CCSER1: variants seen among roughly 807,000 people sequenced by gnomAD.
The protein encoded by CCSER1 is coiled-coil serine rich protein 1, also known as serine-rich coiled-coil domain-containing protein 1.
CCSER1 carries 41 observed loss-of-function variants against 82.0 expected under a neutral mutation model. The ratio of observed to expected loss-of-function variants is 0.50; its 90% CI spans 0.39 to 0.65. The LOEUF (loss-of-function observed/expected upper bound fraction) is 0.65, where lower values mean the gene tolerates loss of function less well. CCSER1 is among the 30% of genes least tolerant of loss of function. The pLI is 0.00. For missense variants in CCSER1, 1,119 were observed against 1,064.2 expected (o/e 1.05, Z -0.72); for synonymous variants, 414 against 383.9 (o/e 1.08, Z -0.92).
intron 7 of CCSER1, among the ~76,000 whole-genome samples, chr4:90,725,627 A>G (rs1403469194): frequency 6.6e-6 from 1 of 151,518 alleles, no homozygotes; most frequent in Non-Finnish European, 1.5e-5. Flanking sequence ...ATAAAACTTT[A>G]TCTGCTTCTT....
intron 10 of CCSER1, among the ~76,000 whole-genome samples, chr4:91,581,187 A>G (rs1020799882): frequency 6.6e-6 from 1 of 151,770 alleles, no homozygotes; most frequent in Non-Finnish European, 1.5e-5. Context: ...GAGTAAAAGG[A>G]AACATAAAAT....
At chr4:90,413,984 A>ATT in intron 4 of CCSER1, among the ~76,000 whole-genome samples, 1 of 58,572 alleles carries the variant, frequency 1.7e-5, no homozygotes, top group Admixed American at 1.8e-4. Context: ...AAAAAAAAAT[A>ATT]TATATATATA....
chr4:90,519,125 CT>C (rs1369736703), intron 5 of CCSER1, among the ~76,000 whole-genome samples: 1 of 151,732 alleles, frequency 6.6e-6, no homozygotes, highest in Non-Finnish European at 1.5e-5. Context: ...TGTAGTTTAA[CT>C]TTCGCCATAA....
chr4:90,464,870 C>T (rs1295810800), intron 4 of CCSER1, among the ~76,000 whole-genome samples: 1 of 152,178 alleles, frequency 6.6e-6, no homozygotes, highest in Non-Finnish European at 1.5e-5. Context: ...GCATTATTAA[C>T]TTTTTAAGTG....
chr4:91,090,342 G>A (rs910088054), intron 10 of CCSER1, among the ~76,000 whole-genome samples: 1 of 152,078 alleles, frequency 6.6e-6, no homozygotes, highest in African/African-American at 2.4e-5. Flanking sequence ...AACCTGCTGG[G>A]GGCAATCCAG....
In CCSER1 at chr4:90,955,493, A is replaced by C. The variant is rs561509668; in HGVS notation, c.2172+32046A>C. ...TAAACACTCCCTCACACTGCTTCCC[A>C]GCCTTTTCATGTTGTGCTACAGATA... On this transcript the variant is annotated intron_variant, in intron 9 of 10. Coordinates refer to ENST00000509176, the MANE Select transcript of CCSER1 (RefSeq NM_001145065.2). Among the ~76,000 whole-genome samples the C allele has an allele frequency of 1.2e-4, 18 of 152,282 alleles. No homozygotes were observed. In the South Asian group the frequency reaches 3.3e-3, roughly 28 times the overall value.
At chr4:90,915,762 AC>A (rs1181441638) in intron 8 of CCSER1, among the ~76,000 whole-genome samples, 1 of 151,880 alleles carries the variant, frequency 6.6e-6, no homozygotes, top group Non-Finnish European at 1.5e-5. Context: ...TATCTAGAAA[AC>A]CCCATTGTCT....
intron 5 of CCSER1, 74 bp downstream of exon 5, chr4:90,468,428 T>C: frequency 7.6e-7 from 1 of 1,311,060 alleles, no homozygotes. Context: ...TGATTTATAA[T>C]AAATGTGTTA....
chr4:91,163,059 G>C (rs565045801), intron 10 of CCSER1, among the ~76,000 whole-genome samples: 1 of 152,090 alleles, frequency 6.6e-6, no homozygotes, highest in Non-Finnish European at 1.5e-5. Flanking sequence ...GCTTTCTCTT[G>C]TGGGCATTTA....
chr4:90,417,174 C>T (rs1328065826), intron 4 of CCSER1, among the ~76,000 whole-genome samples: 4 of 152,156 alleles, frequency 2.6e-5, no homozygotes, highest in South Asian at 4.2e-4. Context: ...ATGTAACAAA[C>T]CTGCACCTTC....
chr4:91,579,318 G>A (rs568075587), intron 10 of CCSER1, among the ~76,000 whole-genome samples: 1 of 151,566 alleles, frequency 6.6e-6, no homozygotes, highest in Admixed American at 6.6e-5. Context: ...AGGACTCCTA[G>A]TGTACCCATC....
intron 7 of CCSER1, among the ~76,000 whole-genome samples, chr4:90,806,963 A>G (rs940846691): frequency 6.6e-6 from 1 of 151,410 alleles, no homozygotes; most frequent in Non-Finnish European, 1.5e-5. Flanking sequence ...AACTTGTGAC[A>G]TTTTATTTTA....
chr4:91,530,791 G>A (rs549413680), intron 10 of CCSER1, among the ~76,000 whole-genome samples: 6 of 151,510 alleles, frequency 4.0e-5, no homozygotes, highest in East Asian at 2.0e-4. Flanking sequence ...AGGTTCAAGC[G>A]ATTCTCCTGT....
intron 1 of CCSER1, among the ~76,000 whole-genome samples, chr4:90,305,117 CGT>C (rs1330524672): frequency 6.6e-6 from 1 of 152,024 alleles, no homozygotes; most frequent in East Asian, 1.9e-4. Flanking sequence ...GGGGTTTCAC[CGT>C]GTTAGCCAGG....
chr4:90,887,206 G>T lies in CCSER1; in HGVS notation c.2095-36164G>T, dbSNP rs561474759. On this transcript the variant is annotated intron_variant, in intron 8 of 10. Coordinates refer to ENST00000509176, the MANE Select transcript of CCSER1 (RefSeq NM_001145065.2). ...CAGGCCACCAAGAAGAATTATACTG[G>T]CTGAGGATACTACCAGTAGGGAATA... is the stretch of plus-strand genomic sequence containing the variant. 9.9e-5 allele frequency among the ~76,000 whole-genome samples: 15 copies of T among 152,064 alleles called. No homozygotes were observed. The South Asian group carries it at 3.1e-3, about 32-fold the overall frequency.
chr4:90,704,049 A>C (rs1303024646), intron 6 of CCSER1, among the ~76,000 whole-genome samples: 1 of 152,082 alleles, frequency 6.6e-6, no homozygotes, highest in Non-Finnish European at 1.5e-5. Flanking sequence ...TCATCAGTTG[A>C]TGCAGTTTCT....
At chr4:90,159,226 T>G (rs1728958708) in intron 1 of CCSER1, among the ~76,000 whole-genome samples, 1 of 152,006 alleles carries the variant, frequency 6.6e-6, no homozygotes, top group African/African-American at 2.4e-5. Context: ...TATTATTACT[T>G]GAGAAATGGA....
chr4:90,630,224 T>A (rs1301028090), intron 6 of CCSER1, among the ~76,000 whole-genome samples: 1 of 152,172 alleles, frequency 6.6e-6, no homozygotes, highest in Non-Finnish European at 1.5e-5. Context: ...TGCAACCTGA[T>A]CCTCTTTGAA....
chr4:90,359,362 C>T (rs1744893178), intron 3 of CCSER1, among the ~76,000 whole-genome samples: 2 of 151,936 alleles, frequency 1.3e-5, no homozygotes, highest in Admixed American at 6.6e-5. Flanking sequence ...TAGAGTATAC[C>T]TCTTTCATTT....
Sources: gnomAD v4.1 joint callset for allele counts (sites outside exome capture counted in the v4.1 genomes callset) on GRCh38, gnomAD v4.1.1 for gene constraint, MANE v1.5 for transcripts, NCBI Gene and HGNC (gene_info 2026-07-23, HGNC 2026-07-21) for gene names.